The following SEC16B variants were observed in gnomAD, a reference collection of about 807,000 sequenced individuals.
The protein encoded by SEC16B is protein transport protein Sec16B.
SEC16B carries 115 observed loss-of-function variants against 141.8 expected under a neutral mutation model. The ratio of observed to expected loss-of-function variants is 0.81; its 90% CI spans 0.70 to 0.95. The LOEUF is 0.95. Ranked by LOEUF, SEC16B falls within the 40% of genes least tolerant of loss-of-function variation. The probability of loss-of-function intolerance (pLI) is 0.00; values close to 1 mark genes in which losing one functional copy is unlikely to be tolerated. For missense variants in SEC16B, 1,291 were observed against 1,312.3 expected (o/e 0.98, Z 0.25); for synonymous variants, 493 against 492.5 (o/e 1.00, Z -0.01).
intron 5 of SEC16B, among the ~76,000 whole-genome samples, chr1:177,962,272 A>G (rs990804927): frequency 6.6e-6 from 1 of 151,912 alleles, no homozygotes; most frequent in Admixed American, 6.6e-5. Flanking sequence ...GGGTTTCACC[A>G]TGTTGGCCAG....
intron 18 of SEC16B, among the ~76,000 whole-genome samples, chr1:177,939,423 G>C (rs1298036167): frequency 6.6e-6 from 1 of 152,192 alleles, no homozygotes; most frequent in Non-Finnish European, 1.5e-5. Context: ...ATAGGAGAAA[G>C]AATTGGCTAA....
intron 11 of SEC16B, among the ~76,000 whole-genome samples, chr1:177,952,981 C>A (rs1652320150): frequency 6.6e-6 from 1 of 150,456 alleles, no homozygotes. Flanking sequence ...GGCCCCCGGA[C>A]TGAACTTAAC....
intron 12 of SEC16B, among the ~76,000 whole-genome samples, chr1:177,949,408 AC>A (rs1290787533): frequency 1.5e-4 from 23 of 151,492 alleles, no homozygotes; most frequent in African/African-American, 5.6e-4. Context: ...ACACACACAC[AC>A]ACACACACAC....
rs759704538 is a variant in SEC16B at position 177,960,899 on chromosome 1, G to A, written c.828C>T (p.Tyr276=). The change falls in exon 7 of 26, where the codon TAC becomes TAT. Residue 276 remains tyrosine, a synonymous_variant. Transcript: ENST00000308284. ...CGAAACTCACAGGAACATGAGGGAT[G>A]TAGAACTTCATGGGTGCTTTGGGAC... ...SAGPKAPMKF[Y]IPHVPVSFGP... is the part of the protein sequence containing the mutation. 1.2e-6 allele frequency: 2 copies of A among 1,613,892 alleles called. No homozygotes were observed. The highest frequency in any genetic ancestry group is 1.7e-5 in the Admixed American group (1 of 60,014).
At chr1:177,974,676 A>G (rs1259639541), upstream of SEC16B, among the ~76,000 whole-genome samples, 1 of 152,242 alleles carries the variant, frequency 6.6e-6, no homozygotes, top group Non-Finnish European at 1.5e-5. Flanking sequence ...CTTCTACAGC[A>G]TATGGAAATT....
rs773732478 is a variant in SEC16B, at chr1:177,933,567, CCTT to C, written c.2638_2640del (p.Lys880del). 5 of 1,613,952 alleles carry C rather than the reference CCTT, an allele frequency of 3.1e-6. No homozygotes were observed. Among genetic ancestry groups the C allele is most frequent in the South Asian group, 2.2e-5 (2 of 91,070 alleles). On this transcript the variant is annotated inframe_deletion, in exon 21 of 26. Coordinates refer to ENST00000308284, the MANE Select transcript of SEC16B (RefSeq NM_033127.4). ...TTTTTATCAGCCTCATCAGAGGACT[CCTT>C]CTCATCCTCCTTGGCTGAACTGGCG...
intron 7 of SEC16B, 116 bp from the exon 8 acceptor site, chr1:177,960,519 T>C: frequency 1.3e-6 from 1 of 776,612 alleles, no homozygotes. Flanking sequence ...CAAGGCCTTG[T>C]GGAGAAAGCA....
At chr1:177,967,009 AT>A (rs1424105394) in intron 2 of SEC16B, among the ~76,000 whole-genome samples, 1 of 152,170 alleles carries the variant, frequency 6.6e-6, no homozygotes, top group Non-Finnish European at 1.5e-5. Flanking sequence ...GGCTTCCAAC[AT>A]TCCATGAAAT....
chr1:177,981,290 G>T (rs1276085185), intron 1 of SEC16B, among the ~76,000 whole-genome samples: 2 of 152,066 alleles, frequency 1.3e-5, no homozygotes, highest in Non-Finnish European at 2.9e-5. Flanking sequence ...CTTGCTCTAT[G>T]AATGAGCACA....
intron 2 of SEC16B, among the ~76,000 whole-genome samples, chr1:177,967,201 T>C (rs1653597498): frequency 6.6e-6 from 1 of 152,210 alleles, no homozygotes; most frequent in Admixed American, 6.5e-5. Context: ...GTATGCCTGT[T>C]CCATTCCGGG....
At chr1:177,976,148 C>T (rs868234279) in intron 1 of SEC16B, among the ~76,000 whole-genome samples, 24 of 152,208 alleles carry the variant, frequency 1.6e-4, no homozygotes, top group East Asian at 9.6e-4. Context: ...ATGCCACCTA[C>T]GTAGCTGCCT....
At chr1:177,934,330 T>C (rs1463456971) in intron 20 of SEC16B, among the ~76,000 whole-genome samples, 4 of 152,186 alleles carry the variant, frequency 2.6e-5, no homozygotes, top group Non-Finnish European at 4.4e-5. Flanking sequence ...GTCACTGCCA[T>C]TCCACTTTAT....
chr1:177,967,683 C>A lies in SEC16B; in HGVS notation c.299G>T (p.Arg100Met). 1 of 1,588,084 alleles carries A rather than the reference C, an allele frequency of 6.3e-7. No individual in the cohort carries two copies. Among genetic ancestry groups the A allele is most frequent in the Non-Finnish European group, 8.6e-7 (1 of 1,163,194 alleles). Residue 100 changes from arginine (R) to methionine (M), a missense_variant and splice_region_variant, in exon 2 of 26, where the codon AGG becomes ATG. By Grantham distance (91) the Arg-to-Met change is moderately conservative (BLOSUM62 -1). Around this residue, in one of 3 missense-constraint regions of SEC16B, gnomAD observed 681 missense variants for 675.5 expected, o/e 1.01. Coordinates refer to ENST00000308284, the MANE Select transcript of SEC16B (RefSeq NM_033127.4). ...EGGYRNQLYS[R>M]PGYENSYQSY... ...TTCATTCCAAGCCCTAAAGCCATAC[C>A]TTGAATACAACTGATTGCGATAACC... is the stretch of plus-strand genomic sequence containing the variant.
At position 177,967,922 on chromosome 1, in the gene SEC16B, T is replaced by G. The variant is rs1326959848; in HGVS notation, c.60A>C (p.Ser20=). The change falls in exon 2 of 26, where the codon TCA becomes TCC. Residue 20 remains serine, a synonymous_variant. Transcript: ENST00000308284. ...PQTRGKATAP[S]KDPDRGFRRD... is the part of the protein sequence containing the mutation. ...TCCGAAACCCTCGGTCTGGATCCTT[T>G]GAGGGTGCTGTGGCCTTCCCTCGTG... 6.2e-7 allele frequency: 1 copy of G among 1,613,968 alleles called. No individual in the cohort carries two copies. Among genetic ancestry groups the G allele is most frequent in the Non-Finnish European group, 8.5e-7 (1 of 1,179,842 alleles).
At position 177,960,889 on chromosome 1, in the gene SEC16B, C is replaced by T. The variant is rs1653009092; in HGVS notation, c.838G>A (p.Val280Ile). ...KAPMKFYIPH[V>I]PVSFGPGGQL... ...CCTCCTGGCCCGAAACTCACAGGAACATGAGGGATGTAGAACTTCATGGGT... is the reference window on the plus strand; with the variant it reads ...CCTCCTGGCCCGAAACTCACAGGAATATGAGGGATGTAGAACTTCATGGGT... Residue 280 changes from valine to isoleucine, a missense_variant, in exon 7 of 26, where the codon GTT becomes ATT. Transcript: ENST00000308284. 3 of 1,601,820 alleles carry T rather than the reference C, an allele frequency of 1.9e-6. No individual in the cohort carries two copies. Among genetic ancestry groups the T allele is most frequent in the Non-Finnish European group, 8.5e-7 (1 of 1,172,054 alleles).
chr1:177,961,844 G>C, intron 5 of SEC16B, 110 bp from the exon 6 acceptor site: 1 of 985,304 alleles, frequency 1.0e-6, no homozygotes, highest in Non-Finnish European at 1.5e-6. Context: ...GTGTTGAAAG[G>C]ATAAAAAGAG....
chr1:177,983,180 T>G (rs1654489057), intron 1 of SEC16B, among the ~76,000 whole-genome samples: 1 of 152,208 alleles, frequency 6.6e-6, no homozygotes, highest in African/African-American at 2.4e-5. Context: ...AATCAATTAC[T>G]GAAGAGGTTA....
chr1:177,940,622 C>G lies in SEC16B; in HGVS notation c.2115G>C (p.Arg705=). 1.2e-6 allele frequency: 2 copies of G among 1,613,598 alleles called. No homozygotes were observed. The highest frequency in any genetic ancestry group is 1.7e-6 in the Non-Finnish European group (2 of 1,179,666). ...CAATCCCACTCACCTCCAGCTGCCT[C>G]CGAAGTTGCGCTAGCCAATCTGGCT... ...DLEPDWLAQL[R]RQLEQKVAGD... is the part of the protein sequence containing the mutation. Residue 705 remains arginine, a synonymous_variant, in exon 17 of 26, where the codon CGG becomes CGC. Coordinates refer to ENST00000308284, the MANE Select transcript of SEC16B (RefSeq NM_033127.4).
chr1:177,967,927 G>T lies in SEC16B; in HGVS notation c.55C>A (p.Pro19Thr), dbSNP rs1653681020. 2.5e-6 allele frequency: 4 copies of T among 1,613,734 alleles called. No homozygotes were observed. Among genetic ancestry groups the T allele is most frequent in the African/African-American group, 2.7e-5 (2 of 74,924 alleles). The change falls in exon 2 of 26, where the codon CCC (proline) becomes ACC (threonine). Residue 19 changes from proline to threonine, a missense_variant. Physicochemically the swap from Pro to Thr is conservative, Grantham distance 38. Coordinates refer to ENST00000308284, the MANE Select transcript of SEC16B (RefSeq NM_033127.4). Reference protein sequence around the residue: ...LPQTRGKATAPSKDPDRGFRR... With the variant: ...LPQTRGKATATSKDPDRGFRR... ...AACCCTCGGTCTGGATCCTTTGAGG[G>T]TGCTGTGGCCTTCCCTCGTGTCTGG... is the stretch of plus-strand genomic sequence containing the variant.
Sources: gnomAD v4.1 joint callset for allele counts (sites outside exome capture counted in the v4.1 genomes callset) on GRCh38, gnomAD v4.1.1 for gene constraint, gnomAD v4.1.1 regional missense constraint, MANE v1.5 for transcripts, NCBI Gene and HGNC (gene_info 2026-07-23, HGNC 2026-07-21) for gene names.